Variants in OPCML observed in about 807,000 individuals in gnomAD.
The protein encoded by OPCML is opioid binding protein/cell adhesion molecule like, also known as opioid-binding protein/cell adhesion molecule.
A neutral mutation model predicts 37.8 loss-of-function variants in OPCML; 13 were observed. That is an observed-to-expected ratio of 0.34 (90% CI 0.22 to 0.55). The LOEUF (loss-of-function observed/expected upper bound fraction) is 0.55. OPCML is among the 20% of genes least tolerant of loss of function. The pLI is 0.91. For missense variants in OPCML, 341 were observed against 435.6 expected, an observed-to-expected ratio of 0.78 and a Z score of 1.93; for synonymous variants, 176 against 168.8, an observed-to-expected ratio of 1.04 and a Z score of -0.33.
intron 1 of OPCML, among the ~76,000 whole-genome samples, chr11:133,254,845 A>C (rs1941258302): frequency 6.6e-6 from 1 of 152,128 alleles, no homozygotes. Context: ...GTCAGGTAGC[A>C]GGGGATCTTC....
rs114139563 is a variant in OPCML, at chr11:132,680,885, C to T, written c.147-23566G>A. On this transcript the variant is annotated intron_variant, in intron 2 of 7. Transcript: ENST00000524381. ...AGAAGACGCCTGTTGCCCTCATGCC[C>T]CAGTCAGTTTTCTCCCGCTCCAAAC... Among the ~76,000 whole-genome samples, 634 of 152,280 alleles carry T rather than the reference C, an allele frequency of 4.2e-3. 5 individuals are homozygous for T. The highest frequency in any genetic ancestry group is 0.015 in the African/African-American group (605 of 41,566).
At chr11:132,660,250 A>G (rs1219034431) in intron 2 of OPCML, among the ~76,000 whole-genome samples, 2 of 152,232 alleles carry the variant, frequency 1.3e-5, no homozygotes, top group African/African-American at 2.4e-5. Flanking sequence ...CCTTGTTCAC[A>G]TAAGAAGATG....
intron 1 of OPCML, among the ~76,000 whole-genome samples, chr11:133,229,723 TG>T (rs1257768622): frequency 6.6e-6 from 1 of 152,190 alleles, no homozygotes; most frequent in East Asian, 1.9e-4. Context: ...AGGCATCCTC[TG>T]GGGGGCTTGG....
intron 1 of OPCML, among the ~76,000 whole-genome samples, chr11:133,493,930 C>G (rs551322335): frequency 2.0e-5 from 3 of 151,210 alleles, no homozygotes; most frequent in Non-Finnish European, 3.0e-5. Context: ...AGGCAACCCA[C>G]AAAATGGGAG....
Position 133,413,583 on chromosome 11 carries a change from G to A in OPCML, c.61+118681C>T, listed in dbSNP as rs550536868. The stretch of plus-strand genomic sequence containing the variant: ...TCCTTCCTGGTTTGGCCTAAAGCAA[G>A]TCTCAAGTGAAGGACAACTGAATGG... On this transcript the variant is annotated intron_variant, in intron 1 of 7. Coordinates refer to ENST00000524381, the MANE Select transcript of OPCML (RefSeq NM_001012393.5). 5.9e-5 allele frequency among the ~76,000 whole-genome samples: 9 copies of A among 152,230 alleles called. No homozygotes were observed. In the South Asian group the frequency reaches 8.3e-4, roughly 14 times the overall value.
At chr11:133,273,709 A>AGC (rs1448504728) in intron 1 of OPCML, among the ~76,000 whole-genome samples, 1 of 152,140 alleles carries the variant, frequency 6.6e-6, no homozygotes, top group Non-Finnish European at 1.5e-5. Flanking sequence ...GCCCTCTTGG[A>AGC]GCCCTCTTTC....
chr11:133,237,156 C>CTTTCCACATTT (rs1940552954), intron 1 of OPCML, among the ~76,000 whole-genome samples: 4 of 152,208 alleles, frequency 2.6e-5, no homozygotes, highest in Admixed American at 1.3e-4. Flanking sequence ...GATAGGGCAG[C>CTTTCCACATTT]CCACATTTCC....
At chr11:132,432,840 C>A (rs1426733193) in intron 7 of OPCML, among the ~76,000 whole-genome samples, 1 of 152,162 alleles carries the variant, frequency 6.6e-6, no homozygotes, top group Non-Finnish European at 1.5e-5. Context: ...TCTATAGAAA[C>A]AAGGAATCTA....
chr11:132,497,416 CA>C (rs529329176), intron 4 of OPCML, among the ~76,000 whole-genome samples: 389 of 88,684 alleles, frequency 4.4e-3, no homozygotes, highest in Middle Eastern at 0.012. Flanking sequence ...AAAAGCTGAA[CA>C]AAAAAAAAAA....
intron 3 of OPCML, among the ~76,000 whole-genome samples, chr11:132,647,735 G>A (rs1941228598): frequency 6.6e-6 from 1 of 152,086 alleles, no homozygotes; most frequent in South Asian, 2.1e-4. Flanking sequence ...TGGCAGGGAT[G>A]GAAGAAAATT....
rs516752 is a variant in OPCML at position 132,658,139 on chromosome 11, C to A, written c.147-820G>T. Among the ~76,000 whole-genome samples the A allele has an allele frequency of 7.3e-3, 1,105 of 152,282 alleles. 7 individuals carry two copies. Among genetic ancestry groups the A allele is most frequent in the Non-Finnish European group, 0.011 (769 of 68,018 alleles). On this transcript the variant is annotated intron_variant, in intron 2 of 7. Transcript: ENST00000524381. Reference sequence around the variant, plus strand: ...TAGGACTGAAAGTGTTGGACGTCTGCGCATGTGCCCAGGAACTGAGGACGT... The same window carrying A: ...TAGGACTGAAAGTGTTGGACGTCTGAGCATGTGCCCAGGAACTGAGGACGT...
chr11:133,011,314 T>C (rs1947207711), intron 1 of OPCML, among the ~76,000 whole-genome samples: 1 of 152,198 alleles, frequency 6.6e-6, no homozygotes, highest in South Asian at 2.1e-4. Flanking sequence ...TAGTCACAGT[T>C]ATTCAGAATA....
At chr11:132,863,970 T>C (rs957216773) in intron 2 of OPCML, among the ~76,000 whole-genome samples, 1 of 152,128 alleles carries the variant, frequency 6.6e-6, no homozygotes, top group Non-Finnish European at 1.5e-5. Context: ...TAGGGTTTCA[T>C]GCTGTCGCCC....
chr11:132,757,155 A>C (rs1331634600), intron 2 of OPCML, among the ~76,000 whole-genome samples: 2 of 152,104 alleles, frequency 1.3e-5, no homozygotes, highest in Admixed American at 6.5e-5. Flanking sequence ...GCTACATAGT[A>C]TTCCATGGTG....
At chr11:132,564,144 T>A (rs7937193) in intron 3 of OPCML, among the ~76,000 whole-genome samples, 22 of 152,172 alleles carry the variant, frequency 1.4e-4, no homozygotes, top group African/African-American at 4.8e-4. Context: ...CCGATTGATC[T>A]TGAGTCTGGG....
chr11:133,154,020 C>T (rs1950022800), intron 1 of OPCML, among the ~76,000 whole-genome samples: 1 of 151,544 alleles, frequency 6.6e-6, no homozygotes, highest in Non-Finnish European at 1.5e-5. Context: ...CTTAAAAGGA[C>T]GAAGGCAGAT....
chr11:132,910,416 T>C (rs957977062), intron 2 of OPCML, among the ~76,000 whole-genome samples: 6 of 152,200 alleles, frequency 3.9e-5, no homozygotes, highest in African/African-American at 1.4e-4. Context: ...CAGAATTTCA[T>C]ACCGCAAGAG....
At chr11:132,765,804 G>A (rs1946422932) in intron 2 of OPCML, among the ~76,000 whole-genome samples, 1 of 152,128 alleles carries the variant, frequency 6.6e-6, no homozygotes, top group Admixed American at 6.5e-5. Context: ...AAAACAGCTA[G>A]CACCTTGATC....
At chr11:132,593,300 G>T (rs541689827) in intron 3 of OPCML, among the ~76,000 whole-genome samples, 53 of 152,284 alleles carry the variant, frequency 3.5e-4, no homozygotes, top group Middle Eastern at 3.4e-3. Context: ...GAGGAGAGCA[G>T]TGGAAGGCGA....
Sources: gnomAD v4.1 joint callset for allele counts (sites outside exome capture counted in the v4.1 genomes callset) on GRCh38, gnomAD v4.1.1 for gene constraint, MANE v1.5 for transcripts, NCBI Gene and HGNC (gene_info 2026-07-23, HGNC 2026-07-21) for gene names.